Variants in HNRNPR observed in about 807,000 individuals in gnomAD.
HNRNPR encodes the protein heterogeneous nuclear ribonucleoprotein R.
In HNRNPR, 4 loss-of-function variants were observed where a neutral mutation model predicts 70.3. That is an observed-to-expected ratio of 0.06 (90% CI 0.03 to 0.13). HNRNPR has a LOEUF of 0.13. Ranked by LOEUF, HNRNPR falls within the 10% of genes least tolerant of loss-of-function variation. The pLI is 1.00. For missense variants in HNRNPR, 423 were observed against 788.5 expected (o/e 0.54, Z 5.55); for synonymous variants, 241 against 267.6 (o/e 0.90, Z 0.97).
At chr1:23,326,729 G>C (rs181820459) in intron 5 of HNRNPR, among the ~76,000 whole-genome samples, 63 of 152,294 alleles carry the variant, frequency 4.1e-4, no homozygotes, top group African/African-American at 1.5e-3. Context: ...AGGTTGCAGC[G>C]AGCTGAGATC....
chr1:23,328,361 G>GCCC (rs1646080507), intron 5 of HNRNPR, among the ~76,000 whole-genome samples: 1 of 152,204 alleles, frequency 6.6e-6, no homozygotes, highest in Non-Finnish European at 1.5e-5. Context: ...GGCAATCTGG[G>GCCC]AAAGAGATGA....
chr1:23,314,398 CA>C (rs1321598733), intron 8 of HNRNPR, among the ~76,000 whole-genome samples: 2 of 151,550 alleles, frequency 1.3e-5, no homozygotes, highest in Non-Finnish European at 2.9e-5. Flanking sequence ...TTCTATATGG[CA>C]AAAAAATACT....
At chr1:23,325,171 A>G (rs1357474676) in intron 5 of HNRNPR, among the ~76,000 whole-genome samples, 2 of 152,168 alleles carry the variant, frequency 1.3e-5, no homozygotes, top group Admixed American at 6.6e-5. Flanking sequence ...ATATTAAAAC[A>G]TTTGTAATCC....
chr1:23,325,807 C>T (rs1187539526), intron 5 of HNRNPR, among the ~76,000 whole-genome samples: 1 of 152,164 alleles, frequency 6.6e-6, no homozygotes, highest in Non-Finnish European at 1.5e-5. Context: ...AAACAAAACA[C>T]AACAAAACAC....
Position 23,309,343 on chromosome 1 carries a change from C to A in HNRNPR, c.*1111G>T, listed in dbSNP as rs1348930700. On this transcript the variant is annotated 3_prime_UTR_variant, in exon 11 of 11. Transcript: ENST00000302271. ...CCGCAGTGCAATTGACGCCACAGTA[C>A]TAACAATTTTCCCTGTATGTACATT... The A allele has an allele frequency of 6.6e-6, 1 of 152,130 alleles. No individual in the cohort carries two copies. Among genetic ancestry groups the A allele is most frequent in the African/African-American group, 2.4e-5 (1 of 41,444 alleles). 9.4% of individuals were successfully genotyped at this position (152,130 alleles called of 1,614,324 possible).
At chr1:23,331,418 A>T (rs1352667620) in intron 5 of HNRNPR, among the ~76,000 whole-genome samples, 1 of 151,254 alleles carries the variant, frequency 6.6e-6, no homozygotes, top group Non-Finnish European at 1.5e-5. Context: ...AAAAAAAAAA[A>T]AAAATAGCTG....
At chr1:23,336,843 A>C (rs1343959228) in intron 4 of HNRNPR, among the ~76,000 whole-genome samples, 1 of 152,006 alleles carries the variant, frequency 6.6e-6, no homozygotes, top group Non-Finnish European at 1.5e-5. Context: ...AATTAGGTTC[A>C]CTGGTCTTTC....
At chr1:23,343,490 A>T (rs111692332) in intron 1 of HNRNPR, among the ~76,000 whole-genome samples, 3 of 152,288 alleles carry the variant, frequency 2.0e-5, no homozygotes, top group East Asian at 1.9e-4. Flanking sequence ...TTTTTTAAAA[A>T]TTTGGCAATA....
In HNRNPR at chr1:23,308,361, A is replaced by T. The variant is rs1213503120; in HGVS notation, c.*2093T>A. On this transcript the variant is annotated 3_prime_UTR_variant, in exon 11 of 11. Transcript: ENST00000302271. ...CTTTATGACAACTTTGTAGCTTGTA[A>T]CACCTAATTAAGAAATACAAACAAC... The T allele has an allele frequency of 2.0e-5, 3 of 152,050 alleles. No individual in the cohort carries two copies. Among genetic ancestry groups the T allele is most frequent in the African/African-American group, 7.2e-5 (3 of 41,448 alleles). 9.4% of individuals were successfully genotyped at this position (152,050 alleles called of 1,614,324 possible).
In HNRNPR at chr1:23,309,141, T is replaced by C. The variant is rs999427674; in HGVS notation, c.*1313A>G. 6.6e-6 allele frequency: 1 copy of C among 152,076 alleles called. No homozygotes were observed. The highest frequency in any genetic ancestry group is 2.1e-4 in the South Asian group (1 of 4,830). The allele number at this position is 152,076 out of a possible 1,614,324, so 9.4% of individuals were successfully genotyped here. On this transcript the variant is annotated 3_prime_UTR_variant, in exon 11 of 11. Transcript: ENST00000302271. ...AAATTTGGGCATCAGGGATAGCAGA[T>C]AAATAAAAATAAACGAAGTGTTAAC...
Position 23,327,676 on chromosome 1 carries a change from T to G in HNRNPR, c.499-3944A>C, listed in dbSNP as rs534706170. On this transcript the variant is annotated intron_variant, in intron 5 of 10. Transcript: ENST00000302271. ...CTGCACTCCAGCCTATGCAACAGAGTGAGACTCTGTCTTAAATAAATAAAT... is the reference window on the plus strand; with the variant it reads ...CTGCACTCCAGCCTATGCAACAGAGGGAGACTCTGTCTTAAATAAATAAAT... 7.3e-5 allele frequency among the ~76,000 whole-genome samples: 11 copies of G among 151,042 alleles called. 1 individual carries two copies. Among genetic ancestry groups the G allele is most frequent in the African/African-American group, 2.7e-4 (11 of 40,822 alleles).
intron 4 of HNRNPR, 108 bp from the exon 5 acceptor site, chr1:23,333,739 T>C: frequency 3.3e-6 from 2 of 598,304 alleles, no homozygotes; most frequent in Non-Finnish European, 5.9e-6. Context: ...GAGATATATT[T>C]TTATGGTTAG....
chr1:23,332,404 T>TC (rs1553158879), intron 5 of HNRNPR, among the ~76,000 whole-genome samples: 3 of 145,840 alleles, frequency 2.1e-5, no homozygotes, highest in Non-Finnish European at 4.5e-5. Context: ...TTATTGATAT[T>TC]AAAAAAAAAA....
In HNRNPR at chr1:23,309,240, T is replaced by C. The variant is rs1645252827; in HGVS notation, c.*1214A>G. The C allele has an allele frequency of 1.3e-5, 2 of 152,072 alleles. No homozygotes were observed. The highest frequency in any genetic ancestry group is 2.9e-5 in the Non-Finnish European group (2 of 67,972). The allele number at this position is 152,072 out of a possible 1,614,324, so 9.4% of individuals were successfully genotyped here. A position where few individuals can be genotyped will look rare whatever the true frequency, so the allele number is the denominator to read the frequency against. On this transcript the variant is annotated 3_prime_UTR_variant, in exon 11 of 11. Coordinates refer to ENST00000302271, the MANE Select transcript of HNRNPR (RefSeq NM_005826.5). ...GGCATGAATGTTTCTCAAAGCAAAT[T>C]TACATAGTAATAGGAAATTATATTC...
intron 5 of HNRNPR, 135 bp from the exon 6 acceptor site, chr1:23,323,867 A>G (rs969781110): frequency 3.7e-5 from 26 of 706,366 alleles, no homozygotes; most frequent in Non-Finnish European, 6.1e-5. Context: ...TGAAACTTAC[A>G]GTTGACTTGC....
chr1:23,329,197 A>C (rs1053075717), intron 5 of HNRNPR, among the ~76,000 whole-genome samples: 3 of 152,202 alleles, frequency 2.0e-5, no homozygotes, highest in Non-Finnish European at 2.9e-5. Context: ...ACGTGAGTCC[A>C]TGAAGAAACA....
chr1:23,322,023 G>C (rs1346918202), intron 6 of HNRNPR, among the ~76,000 whole-genome samples: 1 of 152,010 alleles, frequency 6.6e-6, no homozygotes, highest in African/African-American at 2.4e-5. Context: ...TTGCATATAG[G>C]TAAGCCATAC....
chr1:23,327,928 C>T (rs1301508222), intron 5 of HNRNPR, among the ~76,000 whole-genome samples: 2 of 137,046 alleles, frequency 1.5e-5, no homozygotes, highest in Non-Finnish European at 3.0e-5. Context: ...GAGGCCAAGG[C>T]AGAAGTATCA....
chr1:23,313,433 TAGAA>T (rs1645413488), intron 9 of HNRNPR, 116 bp downstream of exon 9: 2 of 686,324 alleles, frequency 2.9e-6, no homozygotes, highest in Non-Finnish European at 2.5e-6. Context: ...AGAGATTAAA[TAGAA>T]AGAGTTCAGC....
Sources: gnomAD v4.1 joint callset for allele counts (sites outside exome capture counted in the v4.1 genomes callset) on GRCh38, gnomAD v4.1.1 for gene constraint, MANE v1.5 for transcripts, NCBI Gene and HGNC (gene_info 2026-07-23, HGNC 2026-07-21) for gene names.